The following LRRC8D variants were observed in gnomAD, a reference collection of about 807,000 sequenced individuals.
LRRC8D encodes leucine rich repeat containing 8 VRAC subunit D.
In LRRC8D, 20 loss-of-function variants were observed where a neutral mutation model predicts 55.8. That is an observed-to-expected ratio of 0.36 (90% CI 0.25 to 0.52). LRRC8D has a LOEUF of 0.52. LRRC8D is among the 20% of genes least tolerant of loss of function. The probability of loss-of-function intolerance (pLI) is 0.93; values close to 1 mark genes in which losing one functional copy is unlikely to be tolerated. For missense variants in LRRC8D, 651 were observed against 1,030.8 expected (o/e 0.63, Z 5.05); for synonymous variants, 352 against 377.0 (o/e 0.93, Z 0.77).
At chr1:89,895,336 G>A (rs1035931670) in intron 2 of LRRC8D, among the ~76,000 whole-genome samples, 1 of 152,126 alleles carries the variant, frequency 6.6e-6, no homozygotes, top group East Asian at 1.9e-4. Flanking sequence ...TGGCAGACTT[G>A]GTATGTTTTC....
intron 2 of LRRC8D, among the ~76,000 whole-genome samples, chr1:89,858,615 T>C (rs1339150026): frequency 6.6e-6 from 1 of 152,196 alleles, no homozygotes; most frequent in Non-Finnish European, 1.5e-5. Context: ...AAGAAAGTTA[T>C]AAGTTTTGTA....
At chr1:89,826,166 G>C (rs114240030) in intron 1 of LRRC8D, among the ~76,000 whole-genome samples, 1 of 152,216 alleles carries the variant, frequency 6.6e-6, no homozygotes, top group Admixed American at 6.5e-5. Flanking sequence ...CTGTGTCGAA[G>C]TTGGAGTCTT....
At chr1:89,840,108 T>C (rs1329041852) in intron 1 of LRRC8D, among the ~76,000 whole-genome samples, 1 of 152,176 alleles carries the variant, frequency 6.6e-6, no homozygotes, top group African/African-American at 2.4e-5. Context: ...AAGTGAACCT[T>C]CCACATTTTT....
At position 89,832,759 on chromosome 1, in the gene LRRC8D, A is replaced by G. The variant is rs58758032; in HGVS notation, c.-147-10879A>G. Among the ~76,000 whole-genome samples, 278 of 152,360 alleles carry G rather than the reference A, an allele frequency of 1.8e-3. 1 individual carries two copies. Among genetic ancestry groups the G allele is most frequent in the African/African-American group, 6.1e-3 (253 of 41,580 alleles). ...AATGTTTGTGCTCGTTTGGGGCATT[A>G]TGCGTTAACAAGTTGTACAAGAAGT... On this transcript the variant is annotated intron_variant, in intron 1 of 2. Transcript: ENST00000337338.
At chr1:89,890,047 C>A (rs895869434) in intron 2 of LRRC8D, among the ~76,000 whole-genome samples, 1 of 147,574 alleles carries the variant, frequency 6.8e-6, no homozygotes. Context: ...ATTAGTTGAG[C>A]GTGTTGGCGG....
At chr1:89,828,099 G>T (rs1660805876) in intron 1 of LRRC8D, among the ~76,000 whole-genome samples, 2 of 152,326 alleles carry the variant, frequency 1.3e-5, no homozygotes, top group East Asian at 3.9e-4. Flanking sequence ...GTGCACGAAG[G>T]CTGGGTACTG....
At chr1:89,908,962 G>A (rs529291543) in intron 2 of LRRC8D, among the ~76,000 whole-genome samples, 1 of 152,184 alleles carries the variant, frequency 6.6e-6, no homozygotes, top group South Asian at 2.1e-4. Context: ...CGTGTTCCTT[G>A]TTAGTATTTC....
intron 2 of LRRC8D, among the ~76,000 whole-genome samples, chr1:89,851,168 G>T (rs986896661): frequency 6.6e-6 from 1 of 151,848 alleles, no homozygotes; most frequent in Non-Finnish European, 1.5e-5. Context: ...CACTGCAAAG[G>T]CTTGTCCTCC....
Position 89,935,830 on chromosome 1 carries a change from C to T in LRRC8D, c.*185C>T, listed in dbSNP as rs557420595. ...GTTCAATGTTTGTAGGGTTTTAAGT[C>T]ATTCATTTCCAAATCATTTTTTTTT... On this transcript the variant is annotated 3_prime_UTR_variant, in exon 3 of 3. Transcript: ENST00000337338. 8 of 476,534 alleles carry T rather than the reference C, an allele frequency of 1.7e-5. No individual in the cohort carries two copies. The highest frequency in any genetic ancestry group is 5.7e-5 in the South Asian group (1 of 17,530). The allele number at this position is 476,534 out of a possible 1,614,324, so 29.5% of individuals were successfully genotyped here.
At position 89,936,187 on chromosome 1, in the gene LRRC8D, T is replaced by G. The variant is rs1348529410; in HGVS notation, c.*542T>G. 1.2e-5 allele frequency: 2 copies of G among 167,842 alleles called. No homozygotes were observed. The highest frequency in any genetic ancestry group is 2.4e-5 in the African/African-American group (1 of 41,466). 10.4% of individuals were successfully genotyped at this position (167,842 alleles called of 1,614,324 possible). A position where few individuals can be genotyped will look rare whatever the true frequency, so the allele number is the denominator to read the frequency against. On this transcript the variant is annotated 3_prime_UTR_variant, in exon 3 of 3. Transcript: ENST00000337338. ...ACCTCTCACAACAGTTGACTGGTAC[T>G]GCTGCTCCTGAGCACCTCGTGTCAT... is the stretch of plus-strand genomic sequence containing the variant.
At chr1:89,920,711 A>C (rs1024259236) in intron 2 of LRRC8D, among the ~76,000 whole-genome samples, 8 of 151,906 alleles carry the variant, frequency 5.3e-5, no homozygotes, top group Non-Finnish European at 7.4e-5. Flanking sequence ...AAAAAAAAAA[A>C]AAAAACTAAA....
At chr1:89,902,348 A>AT (rs1375269392) in intron 2 of LRRC8D, among the ~76,000 whole-genome samples, 2 of 151,822 alleles carry the variant, frequency 1.3e-5, no homozygotes, top group Non-Finnish European at 2.9e-5. Context: ...GCTGTTTCCC[A>AT]TTTTCAGAGC....
chr1:89,891,555 G>T (rs756302656), intron 2 of LRRC8D, among the ~76,000 whole-genome samples: 3 of 152,172 alleles, frequency 2.0e-5, no homozygotes, highest in Non-Finnish European at 4.4e-5. Flanking sequence ...TCTTGTGCCT[G>T]CAACAGTTAT....
rs12035735 is a variant in LRRC8D at position 89,839,786 on chromosome 1, G to A, written c.-147-3852G>A. 1.9e-3 allele frequency among the ~76,000 whole-genome samples: 296 copies of A among 152,270 alleles called. 8 individuals carry two copies. In the East Asian group the frequency reaches 0.051, roughly 26 times the overall value. ...GATAGTGCAGAGGGTCATCTCTTTG[G>A]CAACCAGACAGCTTGTCATTTTTTA... On this transcript the variant is annotated intron_variant, in intron 1 of 2. Coordinates refer to ENST00000337338, the MANE Select transcript of LRRC8D (RefSeq NM_001134479.2).
chr1:89,836,720 A>AC (rs1306239409), intron 1 of LRRC8D, among the ~76,000 whole-genome samples: 2 of 152,192 alleles, frequency 1.3e-5, no homozygotes. Flanking sequence ...GGTGGTTACT[A>AC]CCCATTGGAC....
rs115796296 is a variant in LRRC8D, at chr1:89,879,536, A to G, written c.-3+35754A>G. 2.0e-3 allele frequency among the ~76,000 whole-genome samples: 304 copies of G among 152,350 alleles called. 1 individual carries two copies. The highest frequency in any genetic ancestry group is 6.7e-3 in the African/African-American group (280 of 41,584). On this transcript the variant is annotated intron_variant, in intron 2 of 2. Coordinates refer to ENST00000337338, the MANE Select transcript of LRRC8D (RefSeq NM_001134479.2). ...GGATATTGTATACTTCAAAGATATTATAACAAAAATACTTTCCTGGTAAAT... is the reference window on the plus strand; with the variant it reads ...GGATATTGTATACTTCAAAGATATTGTAACAAAAATACTTTCCTGGTAAAT...
intron 2 of LRRC8D, among the ~76,000 whole-genome samples, chr1:89,885,655 C>T (rs1417323458): frequency 6.6e-6 from 1 of 152,136 alleles, no homozygotes; most frequent in African/African-American, 2.4e-5. Flanking sequence ...CTGTCTGGAC[C>T]CATCAGAGAA....
intron 2 of LRRC8D, among the ~76,000 whole-genome samples, chr1:89,885,719 G>A (rs1662401743): frequency 6.6e-6 from 1 of 152,254 alleles, no homozygotes; most frequent in Middle Eastern, 3.4e-3. Context: ...TGTTTTCTTT[G>A]AGAGAATAAA....
intron 2 of LRRC8D, among the ~76,000 whole-genome samples, chr1:89,849,411 G>A (rs907718925): frequency 1.3e-5 from 2 of 151,690 alleles, no homozygotes; most frequent in African/African-American, 2.4e-5. Flanking sequence ...GGATATATGC[G>A]TACTAGGAAC....
Sources: gnomAD v4.1 joint callset for allele counts (sites outside exome capture counted in the v4.1 genomes callset) on GRCh38, gnomAD v4.1.1 for gene constraint, MANE v1.5 for transcripts, NCBI Gene and HGNC (gene_info 2026-07-23, HGNC 2026-07-21) for gene names.